RPE: variants seen among roughly 807,000 people sequenced by gnomAD.
RPE encodes the protein ribulose-phosphate 3-epimerase.
Under a neutral mutation model 24.6 loss-of-function variants are expected in RPE, and 16 were observed. The observed-to-expected ratio is 0.65, with a 90% CI of 0.44 to 0.99. The LOEUF (loss-of-function observed/expected upper bound fraction) is 0.99. RPE is among the 50% of genes least tolerant of loss of function. The pLI is 0.00. For missense variants in RPE, 240 were observed against 294.5 expected (o/e 0.81, Z 1.35); for synonymous variants, 93 against 98.4 (o/e 0.94, Z 0.33).
At chr2:210,009,532 A>G in intron 1 of RPE, 125 bp from the exon 2 acceptor site, 6 of 1,296,714 alleles carry the variant, frequency 4.6e-6, no homozygotes, top group East Asian at 2.3e-5. Flanking sequence ...TTTAATACTG[A>G]TGATTAAGTA....
chr2:210,011,882 G>A (rs533170068), intron 2 of RPE, among the ~76,000 whole-genome samples: 1 of 131,022 alleles, frequency 7.6e-6, no homozygotes, highest in Non-Finnish European at 1.6e-5. Context: ...GGATCTCCCT[G>A]TATTGCCCAG....
At chr2:210,019,557 A>C (rs1209738752) in intron 5 of RPE, 112 bp from the exon 6 acceptor site, 7 of 1,308,950 alleles carry the variant, frequency 5.3e-6, no homozygotes, top group Non-Finnish European at 7.2e-6. Flanking sequence ...AGTGGCTCTC[A>C]TATGATTGAA....
Position 210,015,984 on chromosome 2 carries a change from A to G in RPE, c.214A>G (p.Met72Val). Residue 72 changes from methionine (M) to valine (V), a missense_variant, in exon 3 of 6, where the codon ATG (methionine) becomes GTG (valine). Transcript: ENST00000359429. ...GQDPFFDMHM[M>V]VSKPEQWVKP... is the part of the protein sequence containing the mutation. ...TCTTTTCTTTCTAGACATGCACATG[A>G]TGGTGTCCAAGCCAGAACAGTGGGT... The G allele has an allele frequency of 6.2e-7, 1 of 1,614,106 alleles. No individual in the cohort carries two copies. The highest frequency in any genetic ancestry group is 8.5e-7 in the Non-Finnish European group (1 of 1,180,000).
chr2:210,017,211 A>G (rs2093784896), intron 4 of RPE, among the ~76,000 whole-genome samples: 1 of 152,200 alleles, frequency 6.6e-6, no homozygotes, highest in South Asian at 2.1e-4. Context: ...GTCATTGACT[A>G]TTGAGGATTT....
At chr2:210,008,477 G>A (rs1157169392) in intron 1 of RPE, among the ~76,000 whole-genome samples, 1 of 151,612 alleles carries the variant, frequency 6.6e-6, no homozygotes, top group African/African-American at 2.4e-5. Context: ...TATATTTTTA[G>A]TAGAGACGGA....
chr2:210,018,584 C>T, intron 5 of RPE: 1 of 985,136 alleles, frequency 1.0e-6, no homozygotes, highest in Non-Finnish European at 1.2e-6. Flanking sequence ...AAAAGCTTGA[C>T]AGTAGTAAAT....
rs2093832229 is a variant in RPE, at chr2:210,019,658, A to C, written c.565-11A>C. Reference sequence around the variant, plus strand: ...CCTTTGAGGCATAACCTAACTGTTTACTTCTTCCAGGCAGGAGCTAACATG... The same window carrying C: ...CCTTTGAGGCATAACCTAACTGTTTCCTTCTTCCAGGCAGGAGCTAACATG... On this transcript the variant is annotated splice_polypyrimidine_tract_variant and intron_variant, in intron 5 of 5. Coordinates refer to ENST00000359429, the MANE Select transcript of RPE (RefSeq NM_199229.3). 3.1e-6 allele frequency: 5 copies of C among 1,611,572 alleles called. No homozygotes were observed. The highest frequency in any genetic ancestry group is 4.2e-6 in the Non-Finnish European group (5 of 1,178,594).
chr2:210,018,167 A>G (rs1047107198), intron 5 of RPE: 1 of 1,534,958 alleles, frequency 6.5e-7, no homozygotes, highest in African/African-American at 1.4e-5. Context: ...TTGGAAGATC[A>G]TTAAGTTTCA....
rs117101043 is a variant in RPE, at chr2:210,013,744, G to A, written c.203-2229G>A. ...ACTCCTGGGCTCAAGCAATCCACTT[G>A]CCTTGGCCTCCCAAAGTGCCAGGAT... On this transcript the variant is annotated intron_variant, in intron 2 of 5. Coordinates refer to ENST00000359429, the MANE Select transcript of RPE (RefSeq NM_199229.3). Among the ~76,000 whole-genome samples the A allele has an allele frequency of 6.2e-4, 95 of 152,206 alleles. No homozygotes were observed. The East Asian group carries it at 0.017, about 28-fold the overall frequency.
chr2:210,005,219 T>C (rs2093613926), intron 1 of RPE, among the ~76,000 whole-genome samples: 1 of 151,920 alleles, frequency 6.6e-6, no homozygotes, highest in African/African-American at 2.4e-5. Flanking sequence ...AGCCACAATG[T>C]CCCTTCCCTC....
chr2:210,018,441 T>C, intron 5 of RPE: 7 of 985,052 alleles, frequency 7.1e-6, no homozygotes, highest in Non-Finnish European at 8.4e-6. Context: ...GTCAGGCTCC[T>C]GAGGATGCCA....
intron 1 of RPE, among the ~76,000 whole-genome samples, chr2:210,005,795 C>T (rs1312317171): frequency 6.6e-6 from 1 of 152,202 alleles, no homozygotes; most frequent in African/African-American, 2.4e-5. Flanking sequence ...TGTTACCTAA[C>T]TCTCAGCAGC....
intron 1 of RPE, among the ~76,000 whole-genome samples, chr2:210,008,743 T>C (rs920440082): frequency 2.0e-5 from 3 of 152,194 alleles, no homozygotes; most frequent in Admixed American, 6.5e-5. Context: ...TCGCCCAGGC[T>C]GGAATACAGT....
rs576319582 is a variant in RPE, at chr2:210,019,620, T to G, written c.565-49T>G. ...CTAGTCCAGGAATTCTGTTTTAGGT[T>G]TTTCTACATTTTCCTTTGAGGCATA... On this transcript the variant is annotated intron_variant, in intron 5 of 5. Transcript: ENST00000359429. 11 of 1,591,188 alleles carry G rather than the reference T, an allele frequency of 6.9e-6. No individual in the cohort carries two copies. The South Asian group carries it at 9.1e-5, about 13-fold the overall frequency.
chr2:210,005,894 A>G (rs1054099045), intron 1 of RPE, among the ~76,000 whole-genome samples: 6 of 152,118 alleles, frequency 3.9e-5, no homozygotes, highest in African/African-American at 7.2e-5. Context: ...TCCTCTTACC[A>G]TCTTTGCCTT....
Position 210,017,555 on chromosome 2 carries a change from C to T in RPE, c.560C>T (p.Ala187Val), listed in dbSNP as rs2125087691. 2 of 1,613,768 alleles carry T rather than the reference C, an allele frequency of 1.2e-6. No homozygotes were observed. Among genetic ancestry groups the T allele is most frequent in the East Asian group, 4.5e-5 (2 of 44,850 alleles). Residue 187 changes from alanine (A) to valine (V), a missense_variant, in exon 5 of 6, where the codon GCA (alanine) becomes GTA (valine). Ala to Val is a moderately conservative substitution (Grantham distance 64). Transcript: ENST00000359429. ...GVGPDTVHKCAEAGANMIVSG... is the reference protein window; with the variant it reads ...GVGPDTVHKCVEAGANMIVSG... ...GGTCCTGACACTGTCCATAAATGTG[C>T]AGAGGTGAGATTGCTCTTCAACTAT...
At chr2:210,013,969 T>C (rs2093734891) in intron 2 of RPE, among the ~76,000 whole-genome samples, 1 of 152,202 alleles carries the variant, frequency 6.6e-6, no homozygotes, top group Non-Finnish European at 1.5e-5. Context: ...AACCATTGAC[T>C]CCCTGAACAC....
At chr2:210,012,710 G>C (rs535745767) in intron 2 of RPE, among the ~76,000 whole-genome samples, 174 of 152,244 alleles carry the variant, frequency 1.1e-3, no homozygotes, top group Non-Finnish European at 2.2e-3. Flanking sequence ...ACTAAATGAG[G>C]CTGTCTCTTC....
chr2:210,019,460 A>T (rs1239655575), intron 5 of RPE, among the ~76,000 whole-genome samples: 1 of 152,202 alleles, frequency 6.6e-6, no homozygotes. Flanking sequence ...TTTCTTAGAC[A>T]CATTTAAAAA....
Sources: allele counts gnomAD v4.1 joint callset (sites outside exome capture counted in the v4.1 genomes callset), GRCh38; gene constraint gnomAD v4.1.1; transcripts MANE v1.5; gene names NCBI Gene and HGNC (gene_info 2026-07-23, HGNC 2026-07-21).